JCAD: variants seen among roughly 807,000 people sequenced by gnomAD.
JCAD encodes junctional cadherin 5-associated protein.
Under a neutral mutation model 98.0 loss-of-function variants are expected in JCAD, and 40 were observed. That is an observed-to-expected ratio of 0.41 (90% CI 0.32 to 0.53). The LOEUF is 0.53. Among genes scored for constraint, JCAD ranks in the 20% least tolerant of loss-of-function variants. JCAD has a pLI of 0.31. For missense variants in JCAD, 1,705 were observed against 1,738.1 expected (o/e 0.98, Z 0.34); for synonymous variants, 691 against 682.3 (o/e 1.01, Z -0.20).
chr10:30,028,491 C>T lies in JCAD; in HGVS notation c.1657G>A (p.Glu553Lys), dbSNP rs377665567. The change falls in exon 3 of 4, where the codon GAA (glutamate) becomes AAA (lysine). Residue 553 changes from glutamate to lysine, a missense_variant. This residue lies in a region of JCAD where 1,278 missense variants were observed against 1,243.1 expected (regional missense o/e 1.03). Transcript: ENST00000375377. ...SPYSQGESTC[E>K]TQTKLKKFQT... ...AACTTTTTGAGCTTGGTTTGAGTTT[C>T]GCAGGTGCTCTCGCCCTGTGAGTAA... The T allele has an allele frequency of 2.7e-5, 44 of 1,614,082 alleles. No homozygotes were observed. The highest frequency in any genetic ancestry group is 3.6e-5 in the Non-Finnish European group (43 of 1,180,040).
chr10:30,048,929 ATC>A (rs1252834578), intron 1 of JCAD, among the ~76,000 whole-genome samples: 5 of 152,116 alleles, frequency 3.3e-5, no homozygotes, highest in Non-Finnish European at 5.9e-5. Context: ...AAGTTTTTGC[ATC>A]TCTCAGCCAA....
intron 1 of JCAD, among the ~76,000 whole-genome samples, chr10:30,071,472 C>T (rs931229548): frequency 1.3e-5 from 2 of 152,020 alleles, no homozygotes; most frequent in Non-Finnish European, 2.9e-5. Context: ...ACGTGATGTA[C>T]AATGTTAAGG....
chr10:30,104,030 T>C lies in JCAD; in HGVS notation n.128+11337A>G, dbSNP rs575974728. 1.2e-4 allele frequency among the ~76,000 whole-genome samples: 18 copies of C among 152,308 alleles called. No individual in the cohort carries two copies. The South Asian group carries it at 3.7e-3, about 32-fold the overall frequency. The stretch of plus-strand genomic sequence containing the variant: ...CAAAAGAATTGAACTCTAGTTTGAA[T>C]AGTTCTGGTTGGAACTAGCCTGAAG... On this transcript the variant is annotated intron_variant and non_coding_transcript_variant, in intron 1 of 2. Transcript: ENST00000465712.
At chr10:30,045,627 T>G (rs1285859087) in intron 2 of JCAD, among the ~76,000 whole-genome samples, 1 of 152,172 alleles carries the variant, frequency 6.6e-6, no homozygotes, top group Non-Finnish European at 1.5e-5. Context: ...CTCAGACAAC[T>G]CACCCATAAG....
intron 1 of JCAD, among the ~76,000 whole-genome samples, chr10:30,083,955 G>A (rs1335742924): frequency 6.6e-6 from 1 of 151,918 alleles, no homozygotes; most frequent in Non-Finnish European, 1.5e-5. Flanking sequence ...CCAGGAATTC[G>A]AGGCTGCAGT....
intron 2 of JCAD, 120 bp downstream of exon 2, chr10:30,047,412 T>C: frequency 8.3e-7 from 1 of 1,210,048 alleles, no homozygotes; most frequent in South Asian, 1.5e-5. Flanking sequence ...TTCTTGTGTC[T>C]AATACCATTT....
chr10:30,107,812 A>T (rs1461153320), intron 1 of JCAD, among the ~76,000 whole-genome samples: 1 of 152,120 alleles, frequency 6.6e-6, no homozygotes, highest in East Asian at 1.9e-4. Flanking sequence ...TTATCCAAGG[A>T]AGTCAATCCT....
intron 3 of JCAD, among the ~76,000 whole-genome samples, chr10:30,019,551 T>TAAA (rs67228973): frequency 2.7e-3 from 388 of 141,346 alleles, no homozygotes; most frequent in African/African-American, 9.5e-3. Flanking sequence ...TGGAATCATT[T>TAAA]AAAAAAAAAA....
intron 2 of JCAD, among the ~76,000 whole-genome samples, chr10:30,031,911 C>G (rs926864210): frequency 6.6e-6 from 1 of 151,524 alleles, no homozygotes; most frequent in Non-Finnish European, 1.5e-5. Flanking sequence ...CCCGCCACTA[C>G]GCCCGGCTAA....
intron 1 of JCAD, among the ~76,000 whole-genome samples, chr10:30,111,199 C>G (rs1263973754): frequency 6.6e-6 from 1 of 152,358 alleles, no homozygotes; most frequent in East Asian, 1.9e-4. Flanking sequence ...CCCTGTTCCT[C>G]ACCTGTACAC....
chr10:30,088,402 TAGG>T (rs1838201245), intron 1 of JCAD, among the ~76,000 whole-genome samples: 1 of 152,154 alleles, frequency 6.6e-6, no homozygotes, highest in Non-Finnish European at 1.5e-5. Context: ...GCCAAAGCTG[TAGG>T]AGTTCTCACT....
intron 1 of JCAD, among the ~76,000 whole-genome samples, chr10:30,109,194 C>T (rs750267079): frequency 1.6e-4 from 25 of 152,116 alleles, no homozygotes; most frequent in Non-Finnish European, 2.4e-4. Context: ...CTACGATTGG[C>T]GGAGCGGAAT....
Position 30,017,900 on chromosome 10 carries a change from T to C in JCAD, c.4063A>G (p.Arg1355Gly). 1 of 1,612,688 alleles carries C rather than the reference T, an allele frequency of 6.2e-7. No homozygotes were observed. Among genetic ancestry groups the C allele is most frequent in the Non-Finnish European group, 8.5e-7 (1 of 1,178,876 alleles). Residue 1355 changes from arginine (R) to glycine (G), a missense_variant, in exon 4 of 4, where the codon AGA becomes GGA. Arg to Gly is a moderately radical substitution (Grantham distance 125). Around this residue, in one of 3 missense-constraint regions of JCAD, gnomAD observed 1,278 missense variants for 1,243.1 expected, o/e 1.03. Coordinates refer to ENST00000375377, the MANE Select transcript of JCAD (RefSeq NM_020848.4). ...GCATTTCATCACACCCTCTCCACTC[T>C]GCTAGGGTCATAGGAATCTGTAAAA... ...FWCPDSYDPS[R>G]VERV
At chr10:30,090,402 C>T (rs577091011) in intron 1 of JCAD, among the ~76,000 whole-genome samples, 164 of 152,116 alleles carry the variant, frequency 1.1e-3, no homozygotes, top group African/African-American at 3.8e-3. Context: ...ATTAGCCAGG[C>T]GTGGTGGCGG....
chr10:30,054,480 T>C (rs1837527812), intron 1 of JCAD, among the ~76,000 whole-genome samples: 1 of 151,736 alleles, frequency 6.6e-6, no homozygotes, highest in East Asian at 1.9e-4. Context: ...TAAGTATATA[T>C]AACAACATAT....
intron 2 of JCAD, among the ~76,000 whole-genome samples, chr10:30,033,190 A>G (rs1289379468): frequency 6.6e-6 from 1 of 152,240 alleles, no homozygotes; most frequent in Non-Finnish European, 1.5e-5. Flanking sequence ...AAAACGCTCA[A>G]TTAACCCTGC....
At chr10:30,041,234 G>A (rs756971192) in intron 2 of JCAD, among the ~76,000 whole-genome samples, 9 of 152,058 alleles carry the variant, frequency 5.9e-5, no homozygotes, top group African/African-American at 1.9e-4. Flanking sequence ...AGAAGACAGT[G>A]AGGGAAGAGG....
At chr10:30,069,214 T>G (rs1229351101) in intron 2 of JCAD, among the ~76,000 whole-genome samples, 1 of 152,102 alleles carries the variant, frequency 6.6e-6, no homozygotes, top group Non-Finnish European at 1.5e-5. Context: ...TCGGCTCACA[T>G]TGTGGAAATC....
upstream of JCAD, among the ~76,000 whole-genome samples, chr10:30,062,308 T>C (rs1407412737): frequency 6.6e-6 from 1 of 152,196 alleles, no homozygotes; most frequent in East Asian, 1.9e-4. Context: ...CCTAACATCC[T>C]CATTTCAAAA....
Sources: allele counts gnomAD v4.1 joint callset (sites outside exome capture counted in the v4.1 genomes callset), GRCh38; gene constraint gnomAD v4.1.1; regional missense constraint gnomAD v4.1.1; transcripts MANE v1.5; gene names NCBI Gene and HGNC (gene_info 2026-07-23, HGNC 2026-07-21).